Variants in NRG1 observed in about 807,000 individuals in gnomAD.
The protein encoded by NRG1 is neuregulin 1, also known as pro-neuregulin-1, membrane-bound isoform.
NRG1 carries 18 observed loss-of-function variants against 63.8 expected under a neutral mutation model. That is an observed-to-expected ratio of 0.28 (90% CI 0.19 to 0.42). NRG1 has a LOEUF of 0.42. NRG1 is among the 10% of genes least tolerant of loss of function. NRG1 has a pLI of 1.00. For missense variants in NRG1, 762 were observed against 814.7 expected, an observed-to-expected ratio of 0.94 and a Z score of 0.79; for synonymous variants, 302 against 301.3, an observed-to-expected ratio of 1.00 and a Z score of -0.02.
chr8:32,667,247 A>G (rs1804433466), intron 5 of NRG1, among the ~76,000 whole-genome samples: 1 of 152,232 alleles, frequency 6.6e-6, no homozygotes, highest in African/African-American at 2.4e-5. Flanking sequence ...AAGGTACAGT[A>G]AAAATACAGT....
chr8:32,576,583 G>T (rs1205944297), intron 1 of NRG1, among the ~76,000 whole-genome samples: 1 of 151,864 alleles, frequency 6.6e-6, no homozygotes, highest in African/African-American at 2.4e-5. Flanking sequence ...ATTTTTACTG[G>T]AAAGACTTTA....
At chr8:32,299,303 C>T (rs1369040733) in intron 1 of NRG1, among the ~76,000 whole-genome samples, 1 of 152,118 alleles carries the variant, frequency 6.6e-6, no homozygotes, top group Non-Finnish European at 1.5e-5. Flanking sequence ...TTGCTTTCTG[C>T]TGGAACATAC....
intron 5 of NRG1, among the ~76,000 whole-genome samples, chr8:32,643,861 GTAA>G (rs146568372): frequency 0.013 from 2,020 of 152,204 alleles, 45 homozygotes; most frequent in African/African-American, 0.046. Flanking sequence ...TTATATTAAG[GTAA>G]TAATTCCTAT....
intron 1 of NRG1, among the ~76,000 whole-genome samples, chr8:32,503,288 GAAAAAAA>G (rs60857610): frequency 9.5e-4 from 52 of 54,856 alleles, no homozygotes; most frequent in African/African-American, 2.6e-3. Flanking sequence ...CTCTGTCTCA[GAAAAAAA>G]AAAAAAAAAA....
intron 1 of NRG1, among the ~76,000 whole-genome samples, chr8:32,319,136 T>C (rs1439865605): frequency 6.6e-6 from 1 of 152,172 alleles, no homozygotes; most frequent in East Asian, 1.9e-4. Flanking sequence ...CCAGCAGTTG[T>C]GATCCCCTAT....
At chr8:32,328,498 T>C (rs1280469715) in intron 1 of NRG1, among the ~76,000 whole-genome samples, 1 of 152,120 alleles carries the variant, frequency 6.6e-6, no homozygotes, top group African/African-American at 2.4e-5. Flanking sequence ...CTTTTTACCT[T>C]TTCAAATATC....
At chr8:31,831,127 A>T (rs1366799783) in intron 1 of NRG1, among the ~76,000 whole-genome samples, 1 of 151,276 alleles carries the variant, frequency 6.6e-6, no homozygotes, top group East Asian at 1.9e-4. Flanking sequence ...TTTGAGACAG[A>T]GTCTCACTCT....
intron 1 of NRG1, among the ~76,000 whole-genome samples, chr8:31,793,438 G>A (rs1362355861): frequency 5.3e-5 from 8 of 152,122 alleles, no homozygotes; most frequent in Non-Finnish European, 8.8e-5. Flanking sequence ...TCTAAAGTGA[G>A]TACCCCAAAC....
chr8:32,205,551 T>C (rs139929542), intron 1 of NRG1, among the ~76,000 whole-genome samples: 37 of 152,294 alleles, frequency 2.4e-4, no homozygotes, highest in Non-Finnish European at 3.4e-4. Context: ...GCACGACCTC[T>C]CTGGCATTGT....
chr8:32,262,126 T>C (rs539420354), intron 1 of NRG1, among the ~76,000 whole-genome samples: 13 of 152,312 alleles, frequency 8.5e-5, no homozygotes, highest in Admixed American at 7.2e-4. Context: ...GTAAACCACA[T>C]GATGTGTGGA....
intron 1 of NRG1, among the ~76,000 whole-genome samples, chr8:31,705,922 G>A (rs1051549567): frequency 4.9e-4 from 74 of 152,312 alleles, no homozygotes; most frequent in African/African-American, 1.7e-3. Flanking sequence ...GCCATGTGAT[G>A]TTCAGTTGCG....
intron 1 of NRG1, among the ~76,000 whole-genome samples, chr8:31,737,042 C>G (rs1814747234): frequency 6.6e-6 from 1 of 152,130 alleles, no homozygotes; most frequent in Admixed American, 6.6e-5. Context: ...CTCTTTCCAT[C>G]TAGGCCAAGA....
chr8:32,134,323 G>A (rs951765608), intron 1 of NRG1, among the ~76,000 whole-genome samples: 1 of 152,072 alleles, frequency 6.6e-6, no homozygotes, highest in Non-Finnish European at 1.5e-5. Flanking sequence ...TTACCTGGAA[G>A]TGGCTTAAAA....
At chr8:32,468,126 T>C (rs910473700) in intron 1 of NRG1, among the ~76,000 whole-genome samples, 1 of 152,132 alleles carries the variant, frequency 6.6e-6, no homozygotes, top group Non-Finnish European at 1.5e-5. Context: ...GTCAGGAGCA[T>C]GACAGTTGTG....
At chr8:32,734,445 G>A (rs1824503079) in intron 6 of NRG1, among the ~76,000 whole-genome samples, 1 of 152,168 alleles carries the variant, frequency 6.6e-6, no homozygotes, top group African/African-American at 2.4e-5. Context: ...AGTATTTGTT[G>A]TATTTGTAGT....
At chr8:32,637,695 A>G (rs1851592044) in intron 5 of NRG1, among the ~76,000 whole-genome samples, 2 of 152,038 alleles carry the variant, frequency 1.3e-5, no homozygotes, top group African/African-American at 4.8e-5. Flanking sequence ...TTTCCTATGT[A>G]AGCAATAAAG....
At chr8:32,074,978 CT>C (rs937496474) in intron 1 of NRG1, among the ~76,000 whole-genome samples, 2 of 152,222 alleles carry the variant, frequency 1.3e-5, no homozygotes, top group Non-Finnish European at 2.9e-5. Context: ...AAATAGGCTA[CT>C]TTTTTGTGGT....
intron 5 of NRG1, among the ~76,000 whole-genome samples, chr8:32,719,891 C>T (rs113875098): frequency 0.011 from 1,731 of 152,042 alleles, 41 homozygotes; most frequent in South Asian, 0.079. Context: ...TGATTAAATT[C>T]AGGTTTGATT....
chr8:31,846,960 TG>T (rs1229081948), intron 1 of NRG1, among the ~76,000 whole-genome samples: 1 of 152,234 alleles, frequency 6.6e-6, no homozygotes, highest in Non-Finnish European at 1.5e-5. Flanking sequence ...GGGGCACCTC[TG>T]TATTTCACAA....
Sources: gnomAD v4.1 joint callset for allele counts (sites outside exome capture counted in the v4.1 genomes callset) on GRCh38, gnomAD v4.1.1 for gene constraint, MANE v1.5 for transcripts, NCBI Gene and HGNC (gene_info 2026-07-23, HGNC 2026-07-21) for gene names.